The following KRABD2 variants were observed in gnomAD, a reference collection of about 807,000 sequenced individuals.
The protein encoded by KRABD2 is KRAB domain-containing protein 2.
chr17:8,369,116 C>A, the KRABD2 span: 2 of 1,594,732 alleles, frequency 1.3e-6, no homozygotes, highest in South Asian at 2.3e-5. Context: ...TGTGACTGTC[C>A]ACCCAGCAGC....
At chr17:8,374,937 CAAAAA>C in the KRABD2 span, among the ~76,000 whole-genome samples, 128 of 46,178 alleles carry the variant, frequency 2.8e-3, no homozygotes, top group African/African-American at 0.011. Flanking sequence ...GACTCTGTCA[CAAAAA>C]AAAAAAAAAA....
chr17:8,376,673 C>A, the KRABD2 span: 41 of 984,564 alleles, frequency 4.2e-5, no homozygotes, highest in Non-Finnish European at 4.2e-5. Flanking sequence ...TCTGAATCCC[C>A]CTCCACCCAG....
chr17:8,366,910 C>T, the KRABD2 span, among the ~76,000 whole-genome samples: 9 of 151,662 alleles, frequency 5.9e-5, no homozygotes, highest in Middle Eastern at 3.4e-3. Flanking sequence ...TTTGTAAAGA[C>T]GGGGTTTCAC....
the KRABD2 span, chr17:8,371,361 C>T: frequency 6.2e-7 from 1 of 1,614,180 alleles, no homozygotes; most frequent in Non-Finnish European, 8.5e-7. Flanking sequence ...TGTAGCAATC[C>T]TTTTGAGAGC....
At chr17:8,371,198 T>G in the KRABD2 span, 1 of 981,956 alleles carries the variant, frequency 1.0e-6, no homozygotes, top group Non-Finnish European at 1.5e-6. Flanking sequence ...GGCTGAGGAG[T>G]CTGTCCTTAT....
the KRABD2 span, among the ~76,000 whole-genome samples, chr17:8,362,488 G>A: frequency 6.6e-6 from 1 of 152,198 alleles, no homozygotes; most frequent in African/African-American, 2.4e-5. The surrounding 1 kb of genome is among the most constrained non-coding windows in gnomAD (Gnocchi z 4.2). Context: ...CCTGTCCTGG[G>A]GGAATGGAGA....
the KRABD2 span, among the ~76,000 whole-genome samples, chr17:8,367,957 CAAA>C: frequency 2.3e-5 from 2 of 86,480 alleles, no homozygotes; most frequent in Non-Finnish European, 4.6e-5. Context: ...AAGTTAAGAG[CAAA>C]AAAAAAAAAA....
At chr17:8,364,958 C>T in the KRABD2 span, among the ~76,000 whole-genome samples, 6 of 151,938 alleles carry the variant, frequency 3.9e-5, no homozygotes, top group Middle Eastern at 3.4e-3. The surrounding 1 kb of genome is among the most constrained non-coding windows in gnomAD (Gnocchi z 4.4). Context: ...CACCTGAACC[C>T]GGGAGGTGGA....
chr17:8,363,830 CATAT>C, the KRABD2 span, among the ~76,000 whole-genome samples: 4,658 of 86,912 alleles, frequency 0.054, 233 homozygotes, highest in Admixed American at 0.11. Context: ...ATATATCATA[CATAT>C]ATATATATAT....
chr17:8,365,334 G>A, the KRABD2 span, among the ~76,000 whole-genome samples: 1 of 152,166 alleles, frequency 6.6e-6, no homozygotes, highest in Non-Finnish European at 1.5e-5. Flanking sequence ...AAGTAACTAG[G>A]AGGGAGGAGG....
chr17:8,369,248 T>C, the KRABD2 span: 1 of 1,614,228 alleles, frequency 6.2e-7, no homozygotes. Context: ...CAGCCCTTTC[T>C]TCCTGCCTGA....
the KRABD2 span, among the ~76,000 whole-genome samples, chr17:8,364,088 CG>C: frequency 6.6e-6 from 1 of 151,648 alleles, no homozygotes; most frequent in East Asian, 1.9e-4. This position sits in a 1 kb window ranked among gnomAD's most constrained non-coding sequence, Gnocchi z 4.4. Flanking sequence ...AGGCTGGTCT[CG>C]AACTCCTGAC....
chr17:8,376,621 G>A, the KRABD2 span: 42 of 985,804 alleles, frequency 4.3e-5, no homozygotes, highest in East Asian at 1.0e-3. Context: ...GCTGCAGACT[G>A]AGGAAGGTCA....
chr17:8,368,988 C>A, the KRABD2 span: 1 of 1,332,376 alleles, frequency 7.5e-7, no homozygotes, highest in Non-Finnish European at 9.9e-7. Context: ...CAGACCTGAA[C>A]TTTTGTCTTT....
At chr17:8,376,204 A>G in the KRABD2 span, 1 of 1,231,328 alleles carries the variant, frequency 8.1e-7, no homozygotes, top group African/African-American at 1.6e-5. Flanking sequence ...ACATTTTGTC[A>G]AAAATGTCGC....
the KRABD2 span, chr17:8,376,669 TCC>T: frequency 1.0e-6 from 1 of 983,838 alleles, no homozygotes; most frequent in Admixed American, 6.2e-5. Context: ...GGCGTCTGAA[TCC>T]CCCTCCACCC....
the KRABD2 span, among the ~76,000 whole-genome samples, chr17:8,372,574 G>A: frequency 6.6e-6 from 1 of 152,156 alleles, no homozygotes; most frequent in African/African-American, 2.4e-5. The surrounding 1 kb of genome is among the most constrained non-coding windows in gnomAD (Gnocchi z 4.1). Context: ...TTACAGGTGT[G>A]AGCCAGCACA....
At chr17:8,370,290 A>T in the KRABD2 span, 4 of 1,612,700 alleles carry the variant, frequency 2.5e-6, no homozygotes, top group Non-Finnish European at 3.4e-6. Flanking sequence ...CTTTTCTCTC[A>T]TGTTACTTAT....
At chr17:8,366,011 C>T in the KRABD2 span, among the ~76,000 whole-genome samples, 1 of 151,998 alleles carries the variant, frequency 6.6e-6, no homozygotes, top group African/African-American at 2.4e-5. Context: ...GCCTGTAATC[C>T]CAGCTACTTG....
Sources: allele counts gnomAD v4.1 joint callset (sites outside exome capture counted in the v4.1 genomes callset), GRCh38; gene constraint gnomAD v4.1.1; non-coding constraint Gnocchi (gnomAD v3.1); transcripts MANE v1.5; gene names NCBI Gene and HGNC (gene_info 2026-07-23, HGNC 2026-07-21).